Variants in PCDH10 observed in about 807,000 individuals in gnomAD.
PCDH10 encodes protocadherin-10.
Under a neutral mutation model 74.4 loss-of-function variants are expected in PCDH10, and 15 were observed. The ratio of observed to expected loss-of-function variants is 0.20; its 90% confidence interval spans 0.13 to 0.31. PCDH10 has a LOEUF of 0.31. PCDH10 is among the 10% of genes least tolerant of loss of function. The probability of loss-of-function intolerance (pLI) is 1.00; values close to 1 mark genes in which losing one functional copy is unlikely to be tolerated. For missense variants in PCDH10, 1,260 were observed against 1,390.2 expected (o/e 0.91, Z 1.49); for synonymous variants, 619 against 589.8 (o/e 1.05, Z -0.72).
chr4:133,183,148 T>G (rs1355197752), intron 4 of PCDH10, among the ~76,000 whole-genome samples: 1 of 152,090 alleles, frequency 6.6e-6, no homozygotes, highest in Non-Finnish European at 1.5e-5. Context: ...TTGTCATAGT[T>G]GAAAGCACTC....
chr4:133,190,102 A>C (rs564548979), intron 4 of PCDH10, 39 bp from the exon 5 acceptor site: 2 of 1,567,328 alleles, frequency 1.3e-6, no homozygotes, highest in South Asian at 1.1e-5. Flanking sequence ...CCAAAAGTCA[A>C]CCTCTTTTTC....
At chr4:133,162,443 CACATTTCT>C (rs1330744896) in intron 3 of PCDH10, among the ~76,000 whole-genome samples, 1 of 152,020 alleles carries the variant, frequency 6.6e-6, no homozygotes, top group Non-Finnish European at 1.5e-5. Context: ...CTGTGTATGC[CACATTTCT>C]GTTGAATTTC....
rs1560704619 is a variant in PCDH10, at chr4:133,152,790, G to GACC, written c.2631+24_2631+26dup. 5.6e-6 allele frequency: 9 copies of GACC among 1,613,964 alleles called. No homozygotes were observed. The highest frequency in any genetic ancestry group is 7.6e-6 in the Non-Finnish European group (9 of 1,179,906). ...CAACGAGGTAAGGCTGAAGCGAAAG[G>GACC]ACCACCATCTCTCATCTCCTCCATC... On this transcript the variant is annotated intron_variant, in intron 1 of 4. Transcript: ENST00000264360.
In PCDH10 at chr4:133,165,489, T is replaced by C. The variant is rs1349997980; in HGVS notation, c.3103+2207T>C. On this transcript the variant is annotated intron_variant, in intron 4 of 4. Coordinates refer to ENST00000264360, the MANE Select transcript of PCDH10 (RefSeq NM_032961.3). ...AAATTCATATGGTGATAGTTTTTGA[T>C]ACTTGTGTCCTTTTTCATTCAGAAT... Among the ~76,000 whole-genome samples the C allele has an allele frequency of 2.0e-5, 3 of 151,954 alleles. 1 individual carries two copies. The highest frequency in any genetic ancestry group is 4.1e-4 in the South Asian group (2 of 4,828).
Position 133,190,337 on chromosome 4 carries a change from A to G in PCDH10, c.*177A>G. ...GACCTAATTGCTCTCAGCAGGCCTG[A>G]GAAATGAGTTGAAATGTGCAGAACT... On this transcript the variant is annotated 3_prime_UTR_variant, in exon 5 of 5. Transcript: ENST00000264360. 3.1e-6 allele frequency: 2 copies of G among 639,390 alleles called. No homozygotes were observed. Among genetic ancestry groups the G allele is most frequent in the Non-Finnish European group, 5.7e-6 (2 of 352,366 alleles). 39.6% of individuals were successfully genotyped at this position (639,390 alleles called of 1,614,324 possible).
intron 4 of PCDH10, among the ~76,000 whole-genome samples, chr4:133,165,173 C>T (rs148119933): frequency 1.7e-3 from 255 of 150,602 alleles, no homozygotes; most frequent in African/African-American, 5.1e-3. Context: ...CCAGTTCACA[C>T]GGCTCAAAAT....
At chr4:133,164,954 T>G (rs1019941673) in intron 4 of PCDH10, among the ~76,000 whole-genome samples, 4 of 148,106 alleles carry the variant, frequency 2.7e-5, no homozygotes, top group African/African-American at 9.8e-5. Context: ...TATATTCATA[T>G]ATATACACAT....
intron 2 of PCDH10, among the ~76,000 whole-genome samples, chr4:133,204,755 T>C (rs1279522084): frequency 2.6e-5 from 4 of 152,152 alleles, no homozygotes; most frequent in African/African-American, 7.2e-5. Context: ...TCCTATTCAC[T>C]CTATTGGTGA....
chr4:133,154,504 T>C, intron 2 of PCDH10, 139 bp downstream of exon 2: 1 of 580,572 alleles, frequency 1.7e-6, no homozygotes, highest in Non-Finnish European at 3.1e-6. Flanking sequence ...TGAACTATAT[T>C]GTGTTTCCTA....
At chr4:133,159,497 A>G (rs1348448221) in intron 3 of PCDH10, among the ~76,000 whole-genome samples, 1 of 152,090 alleles carries the variant, frequency 6.6e-6, no homozygotes, top group South Asian at 2.1e-4. Flanking sequence ...CAAAATTTCA[A>G]AACTGAGGTT....
chr4:133,189,737 A>G (rs1388459803), intron 4 of PCDH10, among the ~76,000 whole-genome samples: 1 of 152,072 alleles, frequency 6.6e-6, no homozygotes, highest in African/African-American at 2.4e-5. Context: ...TAGTTTATGA[A>G]ATTAAATATA....
chr4:133,159,094 A>C (rs1726916829), intron 3 of PCDH10, among the ~76,000 whole-genome samples: 1 of 152,072 alleles, frequency 6.6e-6, no homozygotes, highest in South Asian at 2.1e-4. Flanking sequence ...AAAAATGAAA[A>C]GTTTTATATC....
intron 2 of PCDH10, among the ~76,000 whole-genome samples, chr4:133,200,365 T>A (rs1455668914): frequency 6.6e-6 from 1 of 152,072 alleles, no homozygotes; most frequent in African/African-American, 2.4e-5. Flanking sequence ...TTCTGGCATT[T>A]TTTTTCTTTT....
At position 133,163,035 on chromosome 4, in the gene PCDH10, G is replaced by C; in HGVS notation, c.2856G>C (p.Arg952=). ...GTAAAGCTCTGGGCCACTCAGATCGGTGCTGGATGCCTTCTTTTGTCCCTT... is the reference window on the plus strand; with the variant it reads ...GTAAAGCTCTGGGCCACTCAGATCGCTGCTGGATGCCTTCTTTTGTCCCTT... ...EECKALGHSD[R]CWMPSFVPSD... is the part of the protein sequence containing the mutation. Residue 952 remains arginine (R), a synonymous_variant, in exon 4 of 5, where the codon CGG becomes CGC. Coordinates refer to ENST00000264360, the MANE Select transcript of PCDH10 (RefSeq NM_032961.3). 6.2e-7 allele frequency: 1 copy of C among 1,614,170 alleles called. No individual in the cohort carries two copies. The highest frequency in any genetic ancestry group is 8.5e-7 in the Non-Finnish European group (1 of 1,180,022).
intron 4 of PCDH10, among the ~76,000 whole-genome samples, chr4:133,184,152 G>A (rs1374876775): frequency 3.3e-5 from 5 of 151,916 alleles, no homozygotes; most frequent in Non-Finnish European, 7.4e-5. Flanking sequence ...GACTAATAAA[G>A]TTTACATATA....
At chr4:133,201,782 G>A (rs532773913) in intron 2 of PCDH10, among the ~76,000 whole-genome samples, 1 of 149,138 alleles carries the variant, frequency 6.7e-6, no homozygotes, top group South Asian at 2.1e-4. Context: ...CTTGAACCTG[G>A]GAGGCGGAGG....
rs1726778463 is a variant in PCDH10, at chr4:133,153,107, G to A, written c.2631+336G>A. ...CTGCGTGAAGGGAGAGGGAAATGTG[G>A]AGGAGGGACTTACTTTCTAGCACTG... is the stretch of plus-strand genomic sequence containing the variant. On this transcript the variant is annotated intron_variant, in intron 1 of 4. Transcript: ENST00000264360. 13 of 1,313,844 alleles carry A rather than the reference G, an allele frequency of 9.9e-6. No individual in the cohort carries two copies. In the South Asian group the frequency reaches 2.9e-4, roughly 29 times the overall value. The allele number at this position is 1,313,844 out of a possible 1,614,324, so 81.4% of individuals were successfully genotyped here.
chr4:133,194,474 AGAT>A lies in PCDH10; in HGVS notation c.*4317_*4319del, dbSNP rs1202296376. ...AGTGAAAACAGGGTATTATAACAAA[AGAT>A]GAGTTTCAATCTTAACTACAGTGTT... is the stretch of plus-strand genomic sequence containing the variant. On this transcript the variant is annotated 3_prime_UTR_variant, in exon 5 of 5. Coordinates refer to ENST00000264360, the MANE Select transcript of PCDH10 (RefSeq NM_032961.3). 1 of 151,930 alleles carries A rather than the reference AGAT, an allele frequency of 6.6e-6. No individual in the cohort carries two copies. The highest frequency in any genetic ancestry group is 6.6e-5 in the Admixed American group (1 of 15,220). The allele number at this position is 151,930 out of a possible 1,614,324, so 9.4% of individuals were successfully genotyped here. A position where few individuals can be genotyped will look rare whatever the true frequency, so the allele number is the denominator to read the frequency against.
chr4:133,154,525 T>G (rs946557753), intron 2 of PCDH10, among the ~76,000 whole-genome samples, 160 bp downstream of exon 2: 2 of 152,168 alleles, frequency 1.3e-5, no homozygotes, highest in African/African-American at 4.8e-5. Flanking sequence ...GACAATACAT[T>G]AAAAATTATA....
Sources: gnomAD v4.1 joint callset for allele counts (sites outside exome capture counted in the v4.1 genomes callset) on GRCh38, gnomAD v4.1.1 for gene constraint, MANE v1.5 for transcripts, NCBI Gene and HGNC (gene_info 2026-07-23, HGNC 2026-07-21) for gene names.